Variants in SORCS3 observed in about 807,000 individuals in gnomAD.
SORCS3 encodes the protein VPS10 domain-containing receptor SorCS3.
In SORCS3, 57 loss-of-function variants were observed where a neutral mutation model predicts 146.3. That is an observed-to-expected ratio of 0.39 (90% confidence interval 0.31 to 0.49). The LOEUF (loss-of-function observed/expected upper bound fraction) is 0.49, where lower values mean the gene tolerates loss of function less well. Among genes scored for constraint, SORCS3 ranks in the 20% least tolerant of loss-of-function variants. The pLI is 0.92. For missense variants in SORCS3, 1,341 were observed against 1,575.5 expected (o/e 0.85, Z 2.52); for synonymous variants, 653 against 618.5 (o/e 1.06, Z -0.83).
At chr10:104,940,238 A>ATATATT (rs1435205868) in intron 3 of SORCS3, among the ~76,000 whole-genome samples, 15 of 31,512 alleles carry the variant, frequency 4.8e-4, no homozygotes, top group East Asian at 2.1e-3. Context: ...ATATATATAT[A>ATATATT]TTTTTTTTTT....
intron 20 of SORCS3, among the ~76,000 whole-genome samples, chr10:105,231,792 G>A (rs139589374): frequency 1.3e-5 from 2 of 152,050 alleles, no homozygotes; most frequent in African/African-American, 4.8e-5. Context: ...TCTTTAGTCT[G>A]CTGATGAGAT....
intron 14 of SORCS3, among the ~76,000 whole-genome samples, chr10:105,186,251 C>T (rs551941490): frequency 6.6e-6 from 1 of 152,254 alleles, no homozygotes; most frequent in South Asian, 2.1e-4. Context: ...GATTGTTTTA[C>T]ATGTGGATTA....
At chr10:104,741,362 C>T (rs1337237576) in intron 1 of SORCS3, among the ~76,000 whole-genome samples, 1 of 151,930 alleles carries the variant, frequency 6.6e-6, no homozygotes, top group African/African-American at 2.4e-5. Flanking sequence ...TCCTGGCAGG[C>T]GTATCTGTCT....
intron 2 of SORCS3, among the ~76,000 whole-genome samples, chr10:104,891,179 C>T (rs897643475): frequency 6.6e-6 from 1 of 152,146 alleles, no homozygotes; most frequent in East Asian, 1.9e-4. Flanking sequence ...CCTGATTCCC[C>T]ATGACTTATG....
chr10:105,175,150 C>T (rs967020462), intron 13 of SORCS3, among the ~76,000 whole-genome samples: 11 of 152,004 alleles, frequency 7.2e-5, no homozygotes, highest in African/African-American at 9.7e-5. Flanking sequence ...CAGATTCAAG[C>T]GATTCTCCTG....
At chr10:104,864,573 G>C (rs1466348925) in intron 2 of SORCS3, among the ~76,000 whole-genome samples, 1 of 152,272 alleles carries the variant, frequency 6.6e-6, no homozygotes, top group South Asian at 2.1e-4. Flanking sequence ...TGGCCTCTTG[G>C]TGTGCTGTGA....
chr10:104,933,430 T>C (rs1040264621), intron 3 of SORCS3, among the ~76,000 whole-genome samples: 1 of 152,054 alleles, frequency 6.6e-6, no homozygotes, highest in African/African-American at 2.4e-5. Flanking sequence ...AGGGAACTGC[T>C]TCCAGAAGCT....
intron 5 of SORCS3, among the ~76,000 whole-genome samples, chr10:105,069,508 A>G (rs1234199336): frequency 6.6e-6 from 1 of 152,198 alleles, no homozygotes; most frequent in Non-Finnish European, 1.5e-5. Flanking sequence ...AAGATTTCAT[A>G]AGATTATTAA....
At chr10:104,759,534 G>T (rs138950101) in intron 1 of SORCS3, among the ~76,000 whole-genome samples, 1 of 152,178 alleles carries the variant, frequency 6.6e-6, no homozygotes, top group Non-Finnish European at 1.5e-5. Flanking sequence ...CTGAGATTGC[G>T]TGAAGGTTAC....
At chr10:105,239,279 C>T (rs113410346) in intron 20 of SORCS3, among the ~76,000 whole-genome samples, 357 of 152,312 alleles carry the variant, frequency 2.3e-3, no homozygotes, top group Non-Finnish European at 3.8e-3. Context: ...ACTATATAAT[C>T]TGCTGAAGGT....
intron 1 of SORCS3, among the ~76,000 whole-genome samples, chr10:104,824,331 G>A (rs924611001): frequency 1.3e-5 from 2 of 152,214 alleles, no homozygotes; most frequent in Non-Finnish European, 2.9e-5. Flanking sequence ...CCAACCTAGT[G>A]TAAGTCAGAC....
rs578083336 is a variant in SORCS3 at position 104,949,794 on chromosome 10, G to A, written c.796-27541G>A. Among the ~76,000 whole-genome samples the A allele has an allele frequency of 3.7e-4, 57 of 152,250 alleles. No homozygotes were observed. The Middle Eastern group carries it at 0.01, about 27-fold the overall frequency. On this transcript the variant is annotated intron_variant, in intron 3 of 26. Transcript: ENST00000369701. ...TGTGTGCATAAAGGAAGGAAAGGTG[G>A]GGAAAATGGTGAATTTATTTCCTTA...
chr10:104,929,654 C>A (rs369172756), intron 3 of SORCS3, among the ~76,000 whole-genome samples: 1 of 152,194 alleles, frequency 6.6e-6, no homozygotes, highest in African/African-American at 2.4e-5. Context: ...AAGCTGGCCC[C>A]TGGGGACACA....
intron 2 of SORCS3, among the ~76,000 whole-genome samples, chr10:104,845,230 C>T (rs2018190706): frequency 6.6e-6 from 1 of 152,086 alleles, no homozygotes; most frequent in Non-Finnish European, 1.5e-5. Context: ...TCCTTATCAC[C>T]AGCTGGCATA....
At chr10:104,943,885 C>A (rs1349141233) in intron 3 of SORCS3, among the ~76,000 whole-genome samples, 1 of 152,110 alleles carries the variant, frequency 6.6e-6, no homozygotes, top group African/African-American at 2.4e-5. Flanking sequence ...GAATAAAAGT[C>A]CAGGAGTAGA....
chr10:105,195,393 T>G (rs1338069912), intron 14 of SORCS3, among the ~76,000 whole-genome samples: 1 of 152,206 alleles, frequency 6.6e-6, no homozygotes, highest in Non-Finnish European at 1.5e-5. Context: ...TCCAAAGTGA[T>G]GGACATGGTT....
intron 1 of SORCS3, among the ~76,000 whole-genome samples, chr10:104,711,222 TTTATGA>T (rs1322448007): frequency 6.6e-6 from 1 of 152,196 alleles, no homozygotes; most frequent in Non-Finnish European, 1.5e-5. Context: ...TTGTCCATGT[TTTATGA>T]TTGAGAAAAA....
At chr10:104,932,139 C>G (rs1318903296) in intron 3 of SORCS3, among the ~76,000 whole-genome samples, 1 of 152,230 alleles carries the variant, frequency 6.6e-6, no homozygotes, top group Non-Finnish European at 1.5e-5. Flanking sequence ...AGGAGATCAG[C>G]TTTGCAGACC....
At chr10:105,205,607 G>A (rs995312674) in intron 16 of SORCS3, among the ~76,000 whole-genome samples, 1 of 152,084 alleles carries the variant, frequency 6.6e-6, no homozygotes, top group South Asian at 2.1e-4. Flanking sequence ...GAGGGCTCTT[G>A]AGAGGGAGTA....
Sources: allele counts gnomAD v4.1 joint callset (sites outside exome capture counted in the v4.1 genomes callset), GRCh38; gene constraint gnomAD v4.1.1; transcripts MANE v1.5; gene names NCBI Gene and HGNC (gene_info 2026-07-23, HGNC 2026-07-21).